TXNRD1: variants seen among roughly 807,000 people sequenced by gnomAD.
TXNRD1 encodes thioredoxin reductase 1, cytoplasmic.
TXNRD1 carries 57 observed loss-of-function variants against 80.3 expected under a neutral mutation model. The observed-to-expected ratio is 0.71, with a 90% CI of 0.57 to 0.89. TXNRD1 has a LOEUF of 0.89. Ranked by LOEUF, TXNRD1 falls within the 40% of genes least tolerant of loss-of-function variation. The pLI, the probability that TXNRD1 is intolerant of heterozygous loss-of-function variation, is 0.00. For missense variants in TXNRD1, 730 were observed against 803.0 expected, an observed-to-expected ratio of 0.91 and a Z score of 1.10; for synonymous variants, 291 against 285.2, an observed-to-expected ratio of 1.02 and a Z score of -0.20.
intron 3 of TXNRD1, among the ~76,000 whole-genome samples, chr12:104,273,914 G>C (rs1403263094): frequency 6.6e-6 from 1 of 152,144 alleles, no homozygotes; most frequent in Non-Finnish European, 1.5e-5. Flanking sequence ...GCCAGGCGTG[G>C]TGGCGGGCAC....
chr12:104,257,791 G>A (rs954801035), intron 2 of TXNRD1, among the ~76,000 whole-genome samples: 2 of 152,076 alleles, frequency 1.3e-5, no homozygotes, highest in South Asian at 2.1e-4. Flanking sequence ...CTTATGAAGC[G>A]ATACAGATGA....
At chr12:104,298,843 T>C (rs899660860) in intron 4 of TXNRD1, among the ~76,000 whole-genome samples, 2 of 152,200 alleles carry the variant, frequency 1.3e-5, no homozygotes, top group Admixed American at 6.5e-5. Flanking sequence ...TTGGGATTGT[T>C]TGATTTATTA....
At chr12:104,230,321 AG>A (rs977272134) in intron 1 of TXNRD1, among the ~76,000 whole-genome samples, 157 of 151,954 alleles carry the variant, frequency 1.0e-3, no homozygotes, top group African/African-American at 3.7e-3. Context: ...CACCCACCGC[AG>A]CCTCCCAAAG....
chr12:104,321,416 C>A, intron 10 of TXNRD1, 100 bp downstream of exon 10: 2 of 932,052 alleles, frequency 2.1e-6, no homozygotes, highest in Non-Finnish European at 3.3e-6. Flanking sequence ...GCATTATAAA[C>A]CATCAGGAAT....
chr12:104,277,219 G>A (rs1269221803), intron 3 of TXNRD1, among the ~76,000 whole-genome samples: 1 of 134,978 alleles, frequency 7.4e-6, no homozygotes, highest in Admixed American at 7.9e-5. Flanking sequence ...GTGAAACCCC[G>A]TCTCTACTAA....
At chr12:104,316,453 G>T (rs995979536) in intron 7 of TXNRD1, among the ~76,000 whole-genome samples, 4 of 152,100 alleles carry the variant, frequency 2.6e-5, no homozygotes, top group African/African-American at 9.7e-5. Flanking sequence ...GCAGTGGCAC[G>T]ATCTCAGCTC....
intron 1 of TXNRD1, among the ~76,000 whole-genome samples, chr12:104,233,250 A>G (rs1176500042): frequency 6.6e-6 from 1 of 152,242 alleles, no homozygotes; most frequent in African/African-American, 2.4e-5. Flanking sequence ...GCTTGACGGA[A>G]GTTAGTTTTT....
rs534853172 is a variant in TXNRD1, at chr12:104,217,875, T to A, written c.91+1982T>A. On this transcript the variant is annotated intron_variant, in intron 1 of 16. Transcript: ENST00000525566. ...GACTGGCTTGTTTCACTTAGCATACTTGTCTTCGAGTTTCATCTGTATTGT... is the reference window on the plus strand; with the variant it reads ...GACTGGCTTGTTTCACTTAGCATACATGTCTTCGAGTTTCATCTGTATTGT... 3.9e-5 allele frequency among the ~76,000 whole-genome samples: 6 copies of A among 152,274 alleles called. No individual in the cohort carries two copies. In the South Asian group the frequency reaches 1.2e-3, roughly 32 times the overall value.
In TXNRD1 at chr12:104,334,245, T is replaced by C. The variant is rs2036055454; in HGVS notation, c.1659T>C (p.His553=). 2 of 1,518,270 alleles carry C rather than the reference T, an allele frequency of 1.3e-6. No individual in the cohort carries two copies. Among genetic ancestry groups the C allele is most frequent in the Non-Finnish European group, 1.8e-6 (2 of 1,131,486 alleles). The allele number at this position is 1,518,270 out of a possible 1,614,324, so 94.0% of individuals were successfully genotyped here. A position where few individuals can be genotyped will look rare whatever the true frequency, so the allele number is the denominator to read the frequency against. ...KFGEENIEVY[H]SYFWPLEWTI... ...CTTTTGTATCTTCTTAGGTTTACCATAGTTACTTTTGGCCATTGGAATGGA... is the reference window on the plus strand; with the variant it reads ...CTTTTGTATCTTCTTAGGTTTACCACAGTTACTTTTGGCCATTGGAATGGA... Residue 553 remains histidine (H), a synonymous_variant, in exon 15 of 17, where the codon CAT becomes CAC. Coordinates refer to ENST00000525566, the MANE Select transcript of TXNRD1 (RefSeq NM_001093771.3).
intron 4 of TXNRD1, chr12:104,291,066 C>T: frequency 1.5e-6 from 1 of 686,124 alleles, no homozygotes; most frequent in South Asian, 1.5e-5. Flanking sequence ...GCCTCGGCCT[C>T]CTAAAGTGCT....
intron 4 of TXNRD1, among the ~76,000 whole-genome samples, chr12:104,301,119 T>C (rs1466456392): frequency 1.3e-5 from 2 of 152,242 alleles, no homozygotes; most frequent in African/African-American, 2.4e-5. Context: ...TTGTGTGGGC[T>C]GTTATCTCCT....
At position 104,319,580 on chromosome 12, in the gene TXNRD1, C is replaced by A; in HGVS notation, c.984C>A (p.Ile328=). 1.3e-6 allele frequency: 2 copies of A among 1,593,020 alleles called. No individual in the cohort carries two copies. Among genetic ancestry groups the A allele is most frequent in the African/African-American group, 1.3e-5 (1 of 74,614 alleles). ...TCCCTGGTGACAAAGAATACTGCAT[C>A]AGCAGGTAAAGGAAAAAAGCAGGGT... is the stretch of plus-strand genomic sequence containing the variant. ...LGIPGDKEYC[I]SSDDLFSLPY... The change falls in exon 9 of 17, where the codon ATC becomes ATA. Residue 328 remains isoleucine (I), a synonymous_variant. Transcript: ENST00000525566.
intron 16 of TXNRD1, among the ~76,000 whole-genome samples, chr12:104,339,582 A>G (rs1238299691): frequency 2.6e-5 from 4 of 152,282 alleles, no homozygotes; most frequent in East Asian, 1.9e-4. Flanking sequence ...AAGAGCTTCA[A>G]TCTTAGTTAT....
chr12:104,261,240 C>T (rs1233956304), intron 3 of TXNRD1, among the ~76,000 whole-genome samples: 1 of 151,834 alleles, frequency 6.6e-6, no homozygotes, highest in Non-Finnish European at 1.5e-5. Context: ...CTGGGCTTGC[C>T]ACAACCTCCA....
rs2035306876 is a variant in TXNRD1, at chr12:104,315,850, A to G, written c.684A>G (p.Gln228=). ...KLMHQAALLG[Q]ALQDSRNYGW... ...TGCATCAAGCAGCTTTGTTAGGACA[A>G]GCCCTGCAAGACTCTCGAAATTATG... Residue 228 remains glutamine (Q), a synonymous_variant, in exon 7 of 17, where the codon CAA becomes CAG. Coordinates refer to ENST00000525566, the MANE Select transcript of TXNRD1 (RefSeq NM_001093771.3). The G allele has an allele frequency of 3.7e-6, 6 of 1,612,560 alleles. No individual in the cohort carries two copies. The East Asian group carries it at 1.3e-4, about 36-fold the overall frequency.
At chr12:104,275,714 A>G (rs1472518626) in intron 3 of TXNRD1, among the ~76,000 whole-genome samples, 2 of 152,042 alleles carry the variant, frequency 1.3e-5, no homozygotes, top group Non-Finnish European at 2.9e-5. Context: ...GTCCACTGTA[A>G]TGCTTTGTTG....
intron 1 of TXNRD1, among the ~76,000 whole-genome samples, chr12:104,240,056 A>T (rs967668720): frequency 3.3e-5 from 5 of 152,124 alleles, no homozygotes; most frequent in African/African-American, 1.2e-4. Context: ...CTTTTCTTGT[A>T]CTGTCTCTGT....
intron 3 of TXNRD1, among the ~76,000 whole-genome samples, chr12:104,282,093 G>T (rs1292317355): frequency 6.6e-6 from 1 of 152,202 alleles, no homozygotes; most frequent in Admixed American, 6.5e-5. Flanking sequence ...TGCAGACAGG[G>T]TGGTCTTCAG....
At chr12:104,239,485 G>A (rs1028957646) in intron 1 of TXNRD1, among the ~76,000 whole-genome samples, 52 of 152,042 alleles carry the variant, frequency 3.4e-4, no homozygotes, top group Middle Eastern at 3.4e-3. Flanking sequence ...GTGAGCCACT[G>A]CACCTGGCCA....
Sources: gnomAD v4.1 joint callset for allele counts (sites outside exome capture counted in the v4.1 genomes callset) on GRCh38, gnomAD v4.1.1 for gene constraint, MANE v1.5 for transcripts, NCBI Gene and HGNC (gene_info 2026-07-23, HGNC 2026-07-21) for gene names.